AHCYL2: variants seen among roughly 807,000 people sequenced by gnomAD.
AHCYL2 encodes adenosylhomocysteinase like 2, also known as S-adenosylhomocysteine hydrolase-like protein 2.
AHCYL2 carries 28 observed loss-of-function variants against 81.4 expected under a neutral mutation model. That is an observed-to-expected ratio of 0.34 (90% confidence interval 0.25 to 0.47). AHCYL2 has a LOEUF of 0.47. AHCYL2 is among the 20% of genes least tolerant of loss of function. The pLI is 1.00. For synonymous variants in AHCYL2, 272 were observed against 290.2 expected, an observed-to-expected ratio of 0.94 and a Z score of 0.64; for missense variants, 551 against 785.1, an observed-to-expected ratio of 0.70 and a Z score of 3.56.
chr7:129,264,805 G>A (rs937797817), intron 1 of AHCYL2, among the ~76,000 whole-genome samples: 1 of 152,194 alleles, frequency 6.6e-6, no homozygotes, highest in Non-Finnish European at 1.5e-5. Context: ...TGTTTACTCA[G>A]TATCCAGTTT....
chr7:129,232,121 A>G (rs1224449001), intron 1 of AHCYL2, among the ~76,000 whole-genome samples: 1 of 152,088 alleles, frequency 6.6e-6, no homozygotes, highest in Non-Finnish European at 1.5e-5. Flanking sequence ...CTCTGCACAC[A>G]CTTACATTCT....
At position 129,406,447 on chromosome 7, in the gene AHCYL2, A is replaced by G; in HGVS notation, c.1276A>G (p.Ile426Val). 1 of 1,613,892 alleles carries G rather than the reference A, an allele frequency of 6.2e-7. No individual in the cohort carries two copies. The highest frequency in any genetic ancestry group is 8.5e-7 in the Non-Finnish European group (1 of 1,179,974). ...SIVYVTEIDP[I>V]CALQACMDGF... Reference sequence around the variant, plus strand: ...TGTGTATGTAACTGAAATTGACCCCATCTGTGCCCTGCAAGCCTGGTAAGC... The same window carrying G: ...TGTGTATGTAACTGAAATTGACCCCGTCTGTGCCCTGCAAGCCTGGTAAGC... The change falls in exon 10 of 17, where the codon ATC becomes GTC. Residue 426 changes from isoleucine (I) to valine (V), a missense_variant. Transcript: ENST00000325006. This position sits in a 1 kb window ranked among gnomAD's most constrained non-coding sequence, Gnocchi z 4.3.
At chr7:129,352,421 C>G (rs990185057) in intron 1 of AHCYL2, among the ~76,000 whole-genome samples, 1 of 149,738 alleles carries the variant, frequency 6.7e-6, no homozygotes, top group Admixed American at 6.6e-5. Flanking sequence ...CAGACTCTCA[C>G]TCTACCTATC....
At chr7:129,290,940 A>C (rs1188518617) in intron 1 of AHCYL2, among the ~76,000 whole-genome samples, 3 of 151,912 alleles carry the variant, frequency 2.0e-5, no homozygotes, top group African/African-American at 4.8e-5. Flanking sequence ...AAAAAAAAAA[A>C]ACAAAACAAA....
At chr7:129,318,366 A>G (rs1368441222) in intron 1 of AHCYL2, among the ~76,000 whole-genome samples, 1 of 152,214 alleles carries the variant, frequency 6.6e-6, no homozygotes, top group Non-Finnish European at 1.5e-5. Context: ...AGTAGCTGGG[A>G]CTACAGGCAT....
At chr7:129,290,987 C>T (rs4731569) in intron 1 of AHCYL2, among the ~76,000 whole-genome samples, 77,228 of 151,290 alleles carry the variant, frequency 0.51, 22,274 homozygotes, top group East Asian at 0.65. Context: ...TGTTAACAGA[C>T]GTGGCATTGT....
At chr7:129,343,359 G>A (rs1030745778) in intron 1 of AHCYL2, among the ~76,000 whole-genome samples, 2 of 152,024 alleles carry the variant, frequency 1.3e-5, no homozygotes, top group Non-Finnish European at 2.9e-5. Flanking sequence ...TATTTGTCCT[G>A]CATTATAATA....
intron 1 of AHCYL2, among the ~76,000 whole-genome samples, chr7:129,286,022 A>G (rs934105104): frequency 2.6e-5 from 4 of 151,962 alleles, no homozygotes; most frequent in Non-Finnish European, 5.9e-5. Flanking sequence ...TAAATCCTCT[A>G]TTTAAACCAG....
At chr7:129,297,433 C>T (rs1797091387) in intron 1 of AHCYL2, among the ~76,000 whole-genome samples, 1 of 152,154 alleles carries the variant, frequency 6.6e-6, no homozygotes, top group Non-Finnish European at 1.5e-5. Flanking sequence ...AACTAGCGAA[C>T]AGCTCCAGAG....
intron 1 of AHCYL2, among the ~76,000 whole-genome samples, chr7:129,307,621 G>A (rs1797488926): frequency 1.3e-5 from 2 of 151,904 alleles, no homozygotes; most frequent in Admixed American, 1.3e-4. Context: ...TGGTACCTAA[G>A]CTGCAAGACA....
At chr7:129,318,744 T>C (rs1052285574) in intron 1 of AHCYL2, among the ~76,000 whole-genome samples, 1 of 151,828 alleles carries the variant, frequency 6.6e-6, no homozygotes, top group Non-Finnish European at 1.5e-5. Flanking sequence ...GTGTATAGTA[T>C]AGTGTGATAA....
intron 1 of AHCYL2, among the ~76,000 whole-genome samples, chr7:129,352,553 A>G (rs1201746114): frequency 6.6e-6 from 1 of 152,194 alleles, no homozygotes; most frequent in Non-Finnish European, 1.5e-5. Flanking sequence ...TTCTCATCTT[A>G]GTAAATCACC....
rs1797004334 is a variant in AHCYL2, at chr7:129,419,325, G to A, written c.1462-3515G>A. Among the ~76,000 whole-genome samples the A allele has an allele frequency of 6.6e-6, 1 of 152,282 alleles. No individual in the cohort carries two copies. The highest frequency in any genetic ancestry group is 2.1e-4 in the South Asian group (1 of 4,818). On this transcript the variant is annotated intron_variant, in intron 12 of 16. Transcript: ENST00000325006. The surrounding 1 kb of genome is among the most constrained non-coding windows in gnomAD (Gnocchi z 4.7). Reference sequence around the variant, plus strand: ...AATCCCAGCACTTTGGGAGGCTGAGGCAGGCGGATCATGAGGTCAGGAGTT... The same window carrying A: ...AATCCCAGCACTTTGGGAGGCTGAGACAGGCGGATCATGAGGTCAGGAGTT...
At chr7:129,391,765 G>T (rs747588058) in intron 4 of AHCYL2, among the ~76,000 whole-genome samples, 1 of 152,188 alleles carries the variant, frequency 6.6e-6, no homozygotes, top group African/African-American at 2.4e-5. Flanking sequence ...TCCTGATTAA[G>T]AACATTAGAG....
rs560915943 is a variant in AHCYL2, at chr7:129,368,510, G to A, written c.364-11128G>A. The stretch of plus-strand genomic sequence containing the variant: ...AGCCTGCACTATGGAGAAGTGGGAC[G>A]GTAATGAGGGCACCTCAGCTTTTCA... On this transcript the variant is annotated intron_variant, in intron 1 of 16. Transcript: ENST00000325006. The surrounding 1 kb of genome is among the most constrained non-coding windows in gnomAD (Gnocchi z 4.4). 12 of 1,613,990 alleles carry A rather than the reference G, an allele frequency of 7.4e-6. No homozygotes were observed. In the South Asian group the frequency reaches 1.3e-4, roughly 18 times the overall value.
At chr7:129,350,168 A>G (rs1416931308) in intron 1 of AHCYL2, among the ~76,000 whole-genome samples, 2 of 152,172 alleles carry the variant, frequency 1.3e-5, no homozygotes, top group African/African-American at 2.4e-5. Context: ...GGCATTTCAG[A>G]TAAAGCATGC....
At chr7:129,246,936 A>T (rs1002959397) in intron 1 of AHCYL2, among the ~76,000 whole-genome samples, 2 of 152,208 alleles carry the variant, frequency 1.3e-5, no homozygotes, top group East Asian at 3.8e-4. Context: ...GTATTTCATT[A>T]TATGGCTATA....
At chr7:129,280,358 G>A (rs1171761102) in intron 1 of AHCYL2, among the ~76,000 whole-genome samples, 1 of 151,670 alleles carries the variant, frequency 6.6e-6, no homozygotes, top group South Asian at 2.1e-4. Context: ...TAGTAGACAC[G>A]AGGTTTCGCC....
chr7:129,374,990 T>G (rs1289843907), intron 1 of AHCYL2, among the ~76,000 whole-genome samples: 1 of 152,120 alleles, frequency 6.6e-6, no homozygotes, highest in East Asian at 1.9e-4. Context: ...AATAATGTGA[T>G]TCTTTGCCCT....
Sources: allele counts gnomAD v4.1 joint callset (sites outside exome capture counted in the v4.1 genomes callset), GRCh38; gene constraint gnomAD v4.1.1; non-coding constraint Gnocchi (gnomAD v3.1); transcripts MANE v1.5; gene names NCBI Gene and HGNC (gene_info 2026-07-23, HGNC 2026-07-21).